Variants in CSMD1 observed in about 807,000 individuals in gnomAD.
CSMD1 encodes the protein CUB and sushi domain-containing protein 1.
In CSMD1, 213 loss-of-function variants were observed where a neutral mutation model predicts 417.5. The observed-to-expected ratio is 0.51, with a 90% CI of 0.46 to 0.57. The LOEUF (loss-of-function observed/expected upper bound fraction) is 0.57, where lower values mean the gene tolerates loss of function less well. Ranked by LOEUF, CSMD1 falls within the 20% of genes least tolerant of loss-of-function variation. The pLI, the probability that CSMD1 is intolerant of heterozygous loss-of-function variation, is 0.00. For missense variants in CSMD1, 6,923 were observed against 4,529.7 expected, an observed-to-expected ratio of 1.53 and a Z score of -15.17; for synonymous variants, 2,862 against 1,736.8, an observed-to-expected ratio of 1.65 and a Z score of -16.11.
At chr8:4,935,533 C>G (rs932184288) in intron 1 of CSMD1, among the ~76,000 whole-genome samples, 2 of 152,200 alleles carry the variant, frequency 1.3e-5, no homozygotes, top group African/African-American at 4.8e-5. Context: ...TGAATGAATA[C>G]AACTCTATAA....
chr8:3,438,393 C>T (rs1030246953), intron 12 of CSMD1, among the ~76,000 whole-genome samples: 1 of 152,172 alleles, frequency 6.6e-6, no homozygotes, highest in African/African-American at 2.4e-5. Context: ...ACATCCCTCC[C>T]GTTGACCCTT....
At chr8:4,810,444 T>G (rs1226529624) in intron 1 of CSMD1, among the ~76,000 whole-genome samples, 1 of 152,164 alleles carries the variant, frequency 6.6e-6, no homozygotes, top group Admixed American at 6.5e-5. Flanking sequence ...ACAAGGCCTT[T>G]TCTTGCTTTG....
At chr8:3,159,005 T>C (rs965895804) in intron 38 of CSMD1, among the ~76,000 whole-genome samples, 1 of 152,182 alleles carries the variant, frequency 6.6e-6, no homozygotes, top group South Asian at 2.1e-4. Flanking sequence ...CTCATACCTC[T>C]TGATATTTTT....
At chr8:4,594,479 T>G (rs1261680084) in intron 2 of CSMD1, among the ~76,000 whole-genome samples, 5 of 152,070 alleles carry the variant, frequency 3.3e-5, no homozygotes, top group East Asian at 3.9e-4. Context: ...GGCTTAAAAG[T>G]GTGAGCCACC....
At position 4,061,795 on chromosome 8, in the gene CSMD1, T is replaced by G. The variant is rs114972311; in HGVS notation, c.416-29696A>C. Among the ~76,000 whole-genome samples the G allele has an allele frequency of 3.2e-3, 485 of 152,316 alleles. 3 individuals carry two copies. The highest frequency in any genetic ancestry group is 0.011 in the African/African-American group (465 of 41,574). ...CTAAAAAGGAGTTCTCCATTTGCAGTTGATTATTTATTTTAAATGATGCTT... is the reference window on the plus strand; with the variant it reads ...CTAAAAAGGAGTTCTCCATTTGCAGGTGATTATTTATTTTAAATGATGCTT... On this transcript the variant is annotated intron_variant, in intron 3 of 69. Transcript: ENST00000635120.
chr8:3,200,446 T>A (rs2116722930), intron 32 of CSMD1, among the ~76,000 whole-genome samples: 1 of 151,840 alleles, frequency 6.6e-6, no homozygotes, highest in South Asian at 2.1e-4. Context: ...TCCCAGCCAC[T>A]CAGGAGGCTG....
chr8:4,376,660 T>G (rs1802766149), intron 3 of CSMD1, among the ~76,000 whole-genome samples: 1 of 152,244 alleles, frequency 6.6e-6, no homozygotes. Flanking sequence ...ATAGCCGTGC[T>G]CATATCACAC....
chr8:4,069,829 C>G (rs182831951), intron 3 of CSMD1, among the ~76,000 whole-genome samples: 6 of 152,146 alleles, frequency 3.9e-5, no homozygotes, highest in African/African-American at 1.2e-4. Flanking sequence ...GAAAGAATAT[C>G]GAAATGAAGA....
intron 7 of CSMD1, among the ~76,000 whole-genome samples, chr8:3,679,381 A>C (rs932232397): frequency 3.3e-5 from 5 of 152,212 alleles, no homozygotes; most frequent in Non-Finnish European, 5.9e-5. Flanking sequence ...CAGGGGTTGC[A>C]ATCCTAGTCT....
At chr8:4,532,522 G>A in intron 2 of CSMD1, among the ~76,000 whole-genome samples, 1 of 140,512 alleles carries the variant, frequency 7.1e-6, no homozygotes. Flanking sequence ...AGTCACTCCG[G>A]AAGAGAAATC....
intron 2 of CSMD1, among the ~76,000 whole-genome samples, chr8:4,581,796 G>A (rs1461000811): frequency 6.6e-6 from 1 of 152,128 alleles, no homozygotes; most frequent in Non-Finnish European, 1.5e-5. Context: ...CTATTGCTAG[G>A]CTCTGAGCAA....
intron 7 of CSMD1, among the ~76,000 whole-genome samples, chr8:3,624,289 A>T (rs1796391734): frequency 6.6e-6 from 1 of 152,210 alleles, no homozygotes; most frequent in African/African-American, 2.4e-5. Context: ...AGCTAAGAGG[A>T]AAGAGAAAGA....
rs117091237 is a variant in CSMD1, at chr8:3,755,506, C to G, written c.819-1464G>C. Among the ~76,000 whole-genome samples, 141 of 152,282 alleles carry G rather than the reference C, an allele frequency of 9.3e-4. 2 individuals carry two copies. In the East Asian group the frequency reaches 0.024, roughly 26 times the overall value. ...TTAAGCAAATTGCTTTTAGCAGGAA[C>G]TTGAACTGTGGTGCTGCGTGTGGGC... On this transcript the variant is annotated intron_variant, in intron 5 of 69. Transcript: ENST00000635120.
At chr8:4,435,884 G>A (rs1015033736) in intron 2 of CSMD1, among the ~76,000 whole-genome samples, 6 of 152,174 alleles carry the variant, frequency 3.9e-5, no homozygotes, top group African/African-American at 1.2e-4. Context: ...CCCTGAGAGT[G>A]GAGTGTGTGT....
intron 17 of CSMD1, among the ~76,000 whole-genome samples, chr8:3,394,814 C>T (rs1277909053): frequency 6.6e-6 from 1 of 151,968 alleles, no homozygotes; most frequent in Non-Finnish European, 1.5e-5. Context: ...TTTCAAAATA[C>T]GTTACTTTGG....
chr8:4,497,612 G>T (rs563434585), intron 2 of CSMD1, among the ~76,000 whole-genome samples: 1 of 152,140 alleles, frequency 6.6e-6, no homozygotes, highest in Non-Finnish European at 1.5e-5. Flanking sequence ...GCAAAGGCAG[G>T]CATTTAAGTA....
chr8:3,221,491 G>T (rs1035620999), intron 28 of CSMD1, among the ~76,000 whole-genome samples: 4 of 151,744 alleles, frequency 2.6e-5, no homozygotes, highest in Admixed American at 2.0e-4. Context: ...ATCATTATTG[G>T]TAATTTATGC....
chr8:4,234,610 A>ATT (rs1211918618), intron 3 of CSMD1, among the ~76,000 whole-genome samples: 2 of 152,150 alleles, frequency 1.3e-5, no homozygotes, highest in Non-Finnish European at 2.9e-5. Context: ...TTTACACTTT[A>ATT]TTCACCATTT....
At chr8:3,518,018 C>G (rs973124608) in intron 10 of CSMD1, among the ~76,000 whole-genome samples, 2 of 151,960 alleles carry the variant, frequency 1.3e-5, no homozygotes, top group East Asian at 1.9e-4. Flanking sequence ...AGAAACAACT[C>G]TAGAAAATTA....
Sources: gnomAD v4.1 joint callset for allele counts (sites outside exome capture counted in the v4.1 genomes callset) on GRCh38, gnomAD v4.1.1 for gene constraint, MANE v1.5 for transcripts, NCBI Gene and HGNC (gene_info 2026-07-23, HGNC 2026-07-21) for gene names.